ANO10: variants seen among roughly 807,000 people sequenced by gnomAD.
ANO10 encodes anoctamin-10.
In ANO10, 77 loss-of-function variants were observed where a neutral mutation model predicts 74.7. The observed-to-expected ratio is 1.03, with a 90% CI of 0.86 to 1.25. The LOEUF is 1.25. Among genes scored for constraint, ANO10 ranks in the 50% most tolerant of loss-of-function variants. The pLI is 0.00. For synonymous variants in ANO10, 279 were observed against 284.9 expected (o/e 0.98, Z 0.21); for missense variants, 721 against 778.1 (o/e 0.93, Z 0.87).
At chr3:43,666,632 C>G (rs536155813) in intron 1 of ANO10, among the ~76,000 whole-genome samples, 2 of 152,284 alleles carry the variant, frequency 1.3e-5, no homozygotes, top group East Asian at 3.9e-4. Context: ...CTGTCTCAGA[C>G]TATTCCTGCT....
At position 43,542,646 on chromosome 3, in the gene ANO10, A is replaced by G. The variant is rs139997264; in HGVS notation, c.1797+7074T>C. On this transcript the variant is annotated intron_variant, in intron 11 of 12. Coordinates refer to ENST00000292246, the MANE Select transcript of ANO10 (RefSeq NM_018075.5). ...TTTATATCCAAGGAAACTGAGACTC[A>G]AAGATTAAAAGGAAATGCTGGGATT... Among the ~76,000 whole-genome samples the G allele has an allele frequency of 3.2e-3, 481 of 152,356 alleles. 3 individuals carry two copies. The highest frequency in any genetic ancestry group is 0.011 in the African/African-American group (457 of 41,578).
chr3:43,656,141 T>TC (rs1284744625), intron 1 of ANO10, among the ~76,000 whole-genome samples: 1 of 151,228 alleles, frequency 6.6e-6, no homozygotes, highest in Non-Finnish European at 1.5e-5. Flanking sequence ...GTATTTACAA[T>TC]CCCTGAGCTA....
chr3:43,651,173 C>T (rs1165241986), intron 1 of ANO10, among the ~76,000 whole-genome samples: 3 of 152,090 alleles, frequency 2.0e-5, no homozygotes, highest in Non-Finnish European at 4.4e-5. Flanking sequence ...TTCATAACAC[C>T]TTTCAAAAAA....
At chr3:43,628,550 A>AAGAG (rs1450027889) in intron 1 of ANO10, among the ~76,000 whole-genome samples, 4 of 152,226 alleles carry the variant, frequency 2.6e-5, no homozygotes, top group African/African-American at 9.6e-5. Context: ...TTTAGGAAAC[A>AAGAG]AGAGAGATAA....
In ANO10 at chr3:43,577,007, C is replaced by A; in HGVS notation, c.847G>T (p.Glu283Ter). 1.2e-6 allele frequency: 2 copies of A among 1,613,844 alleles called. No individual in the cohort carries two copies. Residue 283 changes from glutamate to a stop codon, truncating the protein, a stop_gained, in exon 6 of 13, where the codon GAG becomes TAG. Coordinates refer to ENST00000292246, the MANE Select transcript of ANO10 (RefSeq NM_018075.5). LOFTEE classifies it high-confidence loss of function. ...GTLLMKRKFEEPRPGFHGVLG... is the reference protein window; with the variant it reads ...GTLLMKRKFE ...ACACCATGAAATCCTGGCCGGGGCT[C>A]CTCAAACTTTCTCTTCATGAGCAGT...
chr3:43,672,563 C>A (rs577591280), intron 1 of ANO10, among the ~76,000 whole-genome samples: 49 of 152,146 alleles, frequency 3.2e-4, no homozygotes, highest in African/African-American at 1.1e-3. Context: ...AAACAAAAAA[C>A]ACCTTATTTC....
intron 8 of ANO10, among the ~76,000 whole-genome samples, chr3:43,562,914 C>T (rs937946353): frequency 1.3e-5 from 2 of 152,016 alleles, no homozygotes; most frequent in African/African-American, 2.4e-5. Context: ...AAGTTCCCAC[C>T]ATTTTATGGC....
chr3:43,679,287 G>T (rs762079580), intron 1 of ANO10, among the ~76,000 whole-genome samples: 3 of 152,224 alleles, frequency 2.0e-5, no homozygotes, highest in African/African-American at 7.2e-5. Context: ...CACACCAGGA[G>T]ATTATATCCC....
intron 12 of ANO10, among the ~76,000 whole-genome samples, chr3:43,401,331 C>T (rs1459534824): frequency 6.6e-6 from 1 of 152,182 alleles, no homozygotes; most frequent in Non-Finnish European, 1.5e-5. Context: ...AAATAAACAA[C>T]TCAAAAATTC....
intron 11 of ANO10, among the ~76,000 whole-genome samples, chr3:43,529,494 G>T (rs774673223): frequency 6.6e-6 from 1 of 152,112 alleles, no homozygotes; most frequent in African/African-American, 2.4e-5. Context: ...TTTGAGAACT[G>T]CTATACTGAA....
intron 11 of ANO10, among the ~76,000 whole-genome samples, chr3:43,435,510 G>GAAA (rs1224221805): frequency 2.7e-4 from 32 of 120,100 alleles, no homozygotes; most frequent in South Asian, 2.7e-4. Context: ...CTCCATCTCA[G>GAAA]AAAAAAAAAA....
intron 11 of ANO10, among the ~76,000 whole-genome samples, chr3:43,548,041 C>G (rs1217379539): frequency 3.3e-5 from 5 of 151,706 alleles, no homozygotes; most frequent in African/African-American, 9.8e-5. Context: ...TGCTCTTGTT[C>G]TAAATTTACC....
At chr3:43,447,160 A>G (rs2093259088) in intron 11 of ANO10, among the ~76,000 whole-genome samples, 1 of 152,206 alleles carries the variant, frequency 6.6e-6, no homozygotes, top group African/African-American at 2.4e-5. Flanking sequence ...GGGTGCTGCA[A>G]TAAATTTCCT....
At chr3:43,418,277 A>C (rs1042362312) in intron 12 of ANO10, among the ~76,000 whole-genome samples, 1 of 152,358 alleles carries the variant, frequency 6.6e-6, no homozygotes, top group East Asian at 1.9e-4. Context: ...ACTGTCTCAA[A>C]ACAAAAACCA....
At chr3:43,461,826 C>T (rs139516973) in intron 11 of ANO10, among the ~76,000 whole-genome samples, 1,688 of 152,142 alleles carry the variant, frequency 0.011, 28 homozygotes, top group African/African-American at 0.038. Flanking sequence ...CAGAATGGGG[C>T]GCTGCTGAAA....
chr3:43,442,053 T>C (rs1438367968), intron 11 of ANO10, among the ~76,000 whole-genome samples: 2 of 152,134 alleles, frequency 1.3e-5, no homozygotes, highest in African/African-American at 4.8e-5. Context: ...TCATACCAAA[T>C]GATGGAAAAC....
At chr3:43,507,759 G>A (rs1284749713) in intron 11 of ANO10, among the ~76,000 whole-genome samples, 2 of 152,044 alleles carry the variant, frequency 1.3e-5, no homozygotes, top group African/African-American at 4.8e-5. Flanking sequence ...GTGGGTTCTA[G>A]GGGGCCGTTC....
intron 1 of ANO10, among the ~76,000 whole-genome samples, chr3:43,619,391 T>C (rs1054207367): frequency 6.6e-6 from 1 of 152,210 alleles, no homozygotes; most frequent in Non-Finnish European, 1.5e-5. Flanking sequence ...ATTACACTAA[T>C]AGAATTGTAT....
At chr3:43,683,448 G>A (rs941566041) in intron 1 of ANO10, among the ~76,000 whole-genome samples, 15 of 152,078 alleles carry the variant, frequency 9.9e-5, no homozygotes, top group African/African-American at 2.9e-4. Context: ...ACAAATGGAA[G>A]AACATTCCAT....
Sources: allele counts gnomAD v4.1 joint callset (sites outside exome capture counted in the v4.1 genomes callset), GRCh38; gene constraint gnomAD v4.1.1; transcripts MANE v1.5; gene names NCBI Gene and HGNC (gene_info 2026-07-23, HGNC 2026-07-21).